Variants in LTBP2 observed in about 807,000 individuals in gnomAD.
LTBP2 encodes latent transforming growth factor beta binding protein 2, also known as latent-transforming growth factor beta-binding protein 2.
LTBP2 carries 103 observed loss-of-function variants against 210.6 expected under a neutral mutation model. The ratio of observed to expected loss-of-function variants is 0.49; its 90% CI spans 0.42 to 0.58. LTBP2 has a LOEUF of 0.58. LTBP2 is among the 20% of genes least tolerant of loss of function. The pLI is 0.00. For missense variants in LTBP2, 2,313 were observed against 2,494.5 expected (o/e 0.93, Z 1.55); for synonymous variants, 1,007 against 1,015.0 (o/e 0.99, Z 0.15).
intron 3 of LTBP2, among the ~76,000 whole-genome samples, chr14:74,574,796 G>C (rs548045551): frequency 6.6e-6 from 1 of 152,322 alleles, no homozygotes; most frequent in Admixed American, 6.5e-5. Flanking sequence ...GGAGTCACTA[G>C]GTTGTCATCA....
chr14:74,570,298 C>T (rs2087958574), intron 3 of LTBP2, among the ~76,000 whole-genome samples: 1 of 152,224 alleles, frequency 6.6e-6, no homozygotes, highest in African/African-American at 2.4e-5. Context: ...CGCCCCCACA[C>T]ATGCCCATGC....
At chr14:74,525,573 C>A (rs1018115019) in intron 14 of LTBP2, among the ~76,000 whole-genome samples, 4 of 152,220 alleles carry the variant, frequency 2.6e-5, no homozygotes, top group African/African-American at 9.6e-5. Flanking sequence ...CAAAGCATTT[C>A]ACAGCTTACA....
intron 3 of LTBP2, among the ~76,000 whole-genome samples, chr14:74,573,098 T>C (rs922627850): frequency 6.6e-6 from 1 of 152,248 alleles, no homozygotes; most frequent in Non-Finnish European, 1.5e-5. Flanking sequence ...GAAAAGACGC[T>C]GGATACCTTG....
chr14:74,525,553 C>T (rs2087261919), intron 14 of LTBP2, among the ~76,000 whole-genome samples: 1 of 152,232 alleles, frequency 6.6e-6, no homozygotes, highest in Non-Finnish European at 1.5e-5. Context: ...CATTCTTTCA[C>T]TTCTGCTTAC....
At chr14:74,546,564 G>T (rs1161597439) in intron 8 of LTBP2, among the ~76,000 whole-genome samples, 1 of 152,206 alleles carries the variant, frequency 6.6e-6, no homozygotes, top group Non-Finnish European at 1.5e-5. Flanking sequence ...ACATTCCAGG[G>T]TCTGTACCCT....
chr14:74,552,424 G>A, intron 5 of LTBP2, 31 bp from the exon 6 acceptor site: 1 of 1,591,674 alleles, frequency 6.3e-7, no homozygotes, highest in Non-Finnish European at 8.5e-7. Flanking sequence ...GTAACCAGCG[G>A]TGGAAGAACA....
intron 13 of LTBP2, 41 bp from the exon 14 acceptor site, chr14:74,526,155 C>G (rs1189772396): frequency 1.3e-6 from 2 of 1,573,504 alleles, no homozygotes; most frequent in Admixed American, 3.6e-5. Flanking sequence ...GCTCCTCTGC[C>G]GTACCTGTGA....
chr14:74,609,134 A>G (rs752187273), intron 1 of LTBP2, among the ~76,000 whole-genome samples: 55 of 152,216 alleles, frequency 3.6e-4, no homozygotes, highest in Admixed American at 5.9e-4. Context: ...CCTGACTAGA[A>G]GCCATTAGCC....
intron 17 of LTBP2, among the ~76,000 whole-genome samples, chr14:74,517,208 T>G (rs1391925191): frequency 6.6e-6 from 1 of 152,100 alleles, no homozygotes; most frequent in Non-Finnish European, 1.5e-5. Flanking sequence ...CTTACAACTG[T>G]TTCCTCACCC....
chr14:74,578,008 A>G (rs934378913), intron 3 of LTBP2, among the ~76,000 whole-genome samples: 5 of 152,138 alleles, frequency 3.3e-5, no homozygotes, highest in African/African-American at 1.2e-4. Flanking sequence ...GGGGCCACGT[A>G]GCCCAAAGGA....
At chr14:74,581,689 C>T (rs1273457863) in intron 3 of LTBP2, among the ~76,000 whole-genome samples, 1 of 152,196 alleles carries the variant, frequency 6.6e-6, no homozygotes, top group Non-Finnish European at 1.5e-5. Flanking sequence ...CAGGAGCCTG[C>T]TGACACCTTG....
Position 74,506,137 on chromosome 14 carries a change from T to TTCTCACAGAGCGCGG in LTBP2, c.4073_4087dup (p.Glu1362_Asn1363insThrAlaLeuCysGlu), listed in dbSNP as rs1174097876. The TTCTCACAGAGCGCGG allele has an allele frequency of 1.2e-6, 2 of 1,614,196 alleles. No individual in the cohort carries two copies. The highest frequency in any genetic ancestry group is 3.3e-5 in the Admixed American group (2 of 60,026). On this transcript the variant is annotated inframe_insertion, in exon 28 of 36. Coordinates refer to ENST00000261978, the MANE Select transcript of LTBP2 (RefSeq NM_000428.3). ...GAGGCACAGGAAGGAGCCCTCCACG[T>TTCTCACAGAGCGCGG]TCTCACAGAGCGCGGCCCCACATAC...
At chr14:74,515,252 ATTTT>A (rs575476350) in intron 18 of LTBP2, among the ~76,000 whole-genome samples, 42,882 of 125,242 alleles carry the variant, frequency 0.34, 6,151 homozygotes, top group Admixed American at 0.39. Flanking sequence ...TATAAATCTG[ATTTT>A]TTTTTTTTTT....
At chr14:74,528,815 C>T in intron 11 of LTBP2, 117 bp from the exon 12 acceptor site, 2 of 1,508,260 alleles carry the variant, frequency 1.3e-6, no homozygotes, top group Non-Finnish European at 9.0e-7. Context: ...AGGGAGGGAG[C>T]CCCAGGTTGG....
intron 3 of LTBP2, among the ~76,000 whole-genome samples, chr14:74,558,839 G>A (rs1377142637): frequency 6.6e-6 from 1 of 152,158 alleles, no homozygotes; most frequent in Admixed American, 6.5e-5. Flanking sequence ...GTCATAGACA[G>A]GACCTGGCTG....
At chr14:74,504,885 C>T in intron 29 of LTBP2, 24 bp from the exon 30 acceptor site, 3 of 1,613,776 alleles carry the variant, frequency 1.9e-6, no homozygotes, top group South Asian at 1.1e-5. Flanking sequence ...CGTTTCAGCT[C>T]AGAGTGGGGA....
chr14:74,592,914 C>A (rs999618252), intron 2 of LTBP2, among the ~76,000 whole-genome samples: 1 of 152,112 alleles, frequency 6.6e-6, no homozygotes, highest in Non-Finnish European at 1.5e-5. Context: ...AGTCTCTAGC[C>A]ATTCGTAATT....
chr14:74,611,606 C>G lies in LTBP2; in HGVS notation c.339G>C (p.Arg113=). The part of the protein sequence containing the change: ...ARRPSRAQQS[R]RVQPPAQTRR... ...GGGTCTGCGCAGGTGGCTGGACACG[C>G]CGCGACTGCTGCGCGCGGGACGGCC... Residue 113 remains arginine, a synonymous_variant, in exon 1 of 36, where the codon CGG becomes CGC. Transcript: ENST00000261978. 6.4e-7 allele frequency: 1 copy of G among 1,566,988 alleles called. No homozygotes were observed. The highest frequency in any genetic ancestry group is 2.0e-4 in the Middle Eastern group (1 of 5,016).
At chr14:74,595,193 C>G (rs1317449166) in intron 2 of LTBP2, among the ~76,000 whole-genome samples, 1 of 152,216 alleles carries the variant, frequency 6.6e-6, no homozygotes. Flanking sequence ...CAGACCTTGG[C>G]CCCCAGCCCT....
Sources: gnomAD v4.1 joint callset for allele counts (sites outside exome capture counted in the v4.1 genomes callset) on GRCh38, gnomAD v4.1.1 for gene constraint, MANE v1.5 for transcripts, NCBI Gene and HGNC (gene_info 2026-07-23, HGNC 2026-07-21) for gene names.